The following USH1C variants were observed in gnomAD, a reference collection of about 807,000 sequenced individuals.
The protein encoded by USH1C is harmonin.
In USH1C, 90 loss-of-function variants were observed where a neutral mutation model predicts 119.3. The ratio of observed to expected loss-of-function variants is 0.75; its 90% CI spans 0.64 to 0.90. USH1C has a LOEUF of 0.90. USH1C is among the 40% of genes least tolerant of loss of function. The pLI is 0.00. For missense variants in USH1C, 1,165 were observed against 1,167.7 expected, an observed-to-expected ratio of 1.00 and a Z score of 0.03; for synonymous variants, 465 against 443.3, an observed-to-expected ratio of 1.05 and a Z score of -0.62.
At position 17,531,489 on chromosome 11, in the gene USH1C, G is replaced by C. The variant is rs1000780029; in HGVS notation, c.158C>G (p.Pro53Arg). ...VGDLKLVINE[P>R]SRLPLFDAIR... ...GGCATCAAACAGAGGCAGACGGCTG[G>C]GTTCATTGATGACCAGCTTCAGGTC... Residue 53 changes from proline (P) to arginine (R), a missense_variant, in exon 3 of 27, where the codon CCC becomes CGC. Coordinates refer to ENST00000005226, the MANE Select transcript of USH1C (RefSeq NM_153676.4). This position sits in a 1 kb window ranked among gnomAD's most constrained non-coding sequence, Gnocchi z 4.2. The C allele has an allele frequency of 8.1e-6, 13 of 1,613,970 alleles. No homozygotes were observed. Among genetic ancestry groups the C allele is most frequent in the South Asian group, 1.1e-5 (1 of 91,060 alleles).
intron 24 of USH1C, 87 bp from the exon 25 acceptor site, chr11:17,496,900 T>C (rs1849270252): frequency 6.6e-7 from 1 of 1,518,690 alleles, no homozygotes; most frequent in Non-Finnish European, 9.1e-7. Flanking sequence ...CTGGGCCCCA[T>C]GGCCTAGGAT....
intron 20 of USH1C, among the ~76,000 whole-genome samples, chr11:17,502,584 A>G (rs953539116): frequency 3.9e-5 from 6 of 152,240 alleles, no homozygotes; most frequent in Non-Finnish European, 7.3e-5. Flanking sequence ...AGAAGGTAAG[A>G]GGCCTCCCCA....
At chr11:17,532,187 A>G (rs1376308588) in intron 2 of USH1C, among the ~76,000 whole-genome samples, 1 of 152,040 alleles carries the variant, frequency 6.6e-6, no homozygotes, top group Non-Finnish European at 1.5e-5. Flanking sequence ...ACTCCCCCAG[A>G]TTACTTATCT....
At chr11:17,512,087 G>T (rs757205338) in intron 15 of USH1C, 33 bp from the exon 16 acceptor site, 5 of 1,612,280 alleles carry the variant, frequency 3.1e-6, no homozygotes, top group Non-Finnish European at 4.2e-6. Flanking sequence ...ATATGACAAA[G>T]GTTAGAAATA....
chr11:17,498,076 G>C (rs1050033286), intron 24 of USH1C, 86 bp downstream of exon 24: 8 of 1,221,938 alleles, frequency 6.5e-6, no homozygotes, highest in African/African-American at 1.5e-5. Flanking sequence ...CTGGAATGAG[G>C]CATCCTATTG....
intron 20 of USH1C, among the ~76,000 whole-genome samples, chr11:17,504,216 G>A (rs903550794): frequency 6.6e-6 from 1 of 152,176 alleles, no homozygotes; most frequent in Non-Finnish European, 1.5e-5. Flanking sequence ...CTGGTTCAGT[G>A]TCAGGCAGGG....
chr11:17,522,869 G>A lies in USH1C; in HGVS notation c.934C>T (p.Leu312=). 6.2e-7 allele frequency: 1 copy of A among 1,612,128 alleles called. No homozygotes were observed. Among genetic ancestry groups the A allele is most frequent in the African/African-American group, 1.3e-5 (1 of 74,994 alleles). ...TGCATGAGAAGCTCCTGCCGCTGCA[G>A]CTCACGCTGCCGCGCCTCTGCCAGC... ...ERLAEARQRE[L]QRQELLMQKR... is the part of the protein sequence containing the mutation. The change falls in exon 12 of 27, where the codon CTG becomes TTG. Residue 312 remains leucine (L), a synonymous_variant. Transcript: ENST00000005226.
rs781080127 is a variant in USH1C, at chr11:17,501,932, C to T, written c.2226+7G>A. 3.1e-6 allele frequency: 5 copies of T among 1,613,644 alleles called. No homozygotes were observed. The highest frequency in any genetic ancestry group is 2.2e-5 in the East Asian group (1 of 44,870). ...TACTTGTCCAGGAGAGAAGCGTCAT[C>T]TCTTACCATAGAGTAGGGGTCAAAG... is the stretch of plus-strand genomic sequence containing the variant. On this transcript the variant is annotated splice_region_variant and intron_variant, in intron 21 of 26. Transcript: ENST00000005226.
At chr11:17,497,879 C>T (rs960229987) in intron 24 of USH1C, among the ~76,000 whole-genome samples, 7 of 152,186 alleles carry the variant, frequency 4.6e-5, no homozygotes, top group Admixed American at 2.6e-4. Flanking sequence ...TTAGAAAAGA[C>T]CTTAAGTCTT....
At chr11:17,500,499 G>C (rs536677974) in intron 23 of USH1C, among the ~76,000 whole-genome samples, 17 of 152,230 alleles carry the variant, frequency 1.1e-4, no homozygotes, top group Non-Finnish European at 1.8e-4. Context: ...CAGATGAATA[G>C]CTTCTGGCAC....
In USH1C at chr11:17,526,414, C is replaced by T. The variant is rs1301153559; in HGVS notation, c.607G>A (p.Gly203Arg). The change falls in exon 8 of 27, where the codon GGA (glycine) becomes AGA (arginine). Residue 203 changes from glycine (G) to arginine (R), a missense_variant. Gly to Arg is a moderately radical substitution (Grantham distance 125). Transcript: ENST00000005226. ...GGVRGSLGSP[G>R]NRENKEKKVF... ...TTCTTCTCCTTGTTTTCCCGATTTC[C>T]AGGGGAGCCCAGGCTGCCTCGCACG... 2 of 1,614,084 alleles carry T rather than the reference C, an allele frequency of 1.2e-6. No homozygotes were observed. Among genetic ancestry groups the T allele is most frequent in the Admixed American group, 1.7e-5 (1 of 60,032 alleles).
chr11:17,542,457 G>A (rs911477014), intron 1 of USH1C, among the ~76,000 whole-genome samples: 7 of 152,254 alleles, frequency 4.6e-5, no homozygotes, highest in Non-Finnish European at 7.3e-5. Flanking sequence ...AGCGCATGGC[G>A]CCTGCCCTGC....
At chr11:17,536,980 T>G (rs1851255032) in intron 1 of USH1C, among the ~76,000 whole-genome samples, 1 of 152,108 alleles carries the variant, frequency 6.6e-6, no homozygotes, top group South Asian at 2.1e-4. Flanking sequence ...CAGAAATATC[T>G]CAGAAAGACT....
intron 25 of USH1C, 53 bp from the exon 26 acceptor site, chr11:17,495,730 G>A (rs977288765): frequency 6.3e-7 from 1 of 1,585,742 alleles, no homozygotes; most frequent in Non-Finnish European, 8.7e-7. Flanking sequence ...TTACTCCCAG[G>A]CAGAGCTCCA....
intron 19 of USH1C, among the ~76,000 whole-genome samples, chr11:17,505,276 GGT>G (rs1454722684): frequency 6.6e-6 from 1 of 152,254 alleles, no homozygotes; most frequent in Non-Finnish European, 1.5e-5. Context: ...CCCATCTGAG[GGT>G]GTTTCATGCC....
At chr11:17,526,469 G>A (rs753328987) in intron 7 of USH1C, 28 bp from the exon 8 acceptor site, 8 of 1,600,190 alleles carry the variant, frequency 5.0e-6, no homozygotes, top group Admixed American at 1.7e-5. Flanking sequence ...GCAGAATCAC[G>A]GAGTGTCCAC....
At chr11:17,520,416 C>T (rs377584496) in intron 14 of USH1C, among the ~76,000 whole-genome samples, 1 of 152,216 alleles carries the variant, frequency 6.6e-6, no homozygotes, top group Admixed American at 6.5e-5. Context: ...TAAGCTCCTC[C>T]CACAGTTATG....
At chr11:17,524,878 T>C (rs1207814312) in intron 8 of USH1C, among the ~76,000 whole-genome samples, 1 of 152,146 alleles carries the variant, frequency 6.6e-6, no homozygotes, top group Admixed American at 6.5e-5. Context: ...AGACAGGGTC[T>C]TGCTCTGTCA....
At chr11:17,526,629 G>T in intron 7 of USH1C, 124 bp downstream of exon 7, 1 of 1,220,688 alleles carries the variant, frequency 8.2e-7, no homozygotes, top group Non-Finnish European at 1.2e-6. Context: ...TGTGCTGGCT[G>T]CCCTGGGAGC....
Sources: gnomAD v4.1 joint callset for allele counts (sites outside exome capture counted in the v4.1 genomes callset) on GRCh38, gnomAD v4.1.1 for gene constraint, Gnocchi (gnomAD v3.1) non-coding constraint, MANE v1.5 for transcripts, NCBI Gene and HGNC (gene_info 2026-07-23, HGNC 2026-07-21) for gene names.